The following TFB2M variants were observed in gnomAD, a reference collection of about 807,000 sequenced individuals.
TFB2M encodes the protein transcription factor B2, mitochondrial.
TFB2M carries 44 observed loss-of-function variants against 41.3 expected under a neutral mutation model. The ratio of observed to expected loss-of-function variants is 1.07; its 90% CI spans 0.84 to 1.37. The LOEUF is 1.37. Ranked by LOEUF, TFB2M falls within the 40% of genes most tolerant of loss-of-function variation. TFB2M has a pLI of 0.00. For missense variants in TFB2M, 496 were observed against 490.2 expected (o/e 1.01, Z -0.11); for synonymous variants, 188 against 176.8 (o/e 1.06, Z -0.50).
intron 7 of TFB2M, among the ~76,000 whole-genome samples, chr1:246,542,883 A>C (rs1410655547): frequency 2.9e-5 from 4 of 135,774 alleles, no homozygotes; most frequent in South Asian, 2.3e-4. Flanking sequence ...ATTGCCTTTT[A>C]CTAGTCTATT....
intron 6 of TFB2M, among the ~76,000 whole-genome samples, chr1:246,547,771 TTAG>T (rs1659062940): frequency 1.1e-5 from 1 of 90,206 alleles, no homozygotes; most frequent in African/African-American, 3.7e-5. Flanking sequence ...AGCTACTTTA[TTAG>T]AATTTCACAA....
chr1:246,560,518 T>C (rs1659430837), intron 2 of TFB2M, among the ~76,000 whole-genome samples: 1 of 152,160 alleles, frequency 6.6e-6, no homozygotes. Context: ...AGTGAGACCC[T>C]GTCTCAAAAA....
In TFB2M at chr1:246,541,199, T is replaced by C. The variant is rs1658845458; in HGVS notation, c.1023A>G (p.Ser341=). Residue 341 remains serine, a synonymous_variant, in exon 8 of 8, where the codon TCA becomes TCG. Transcript: ENST00000366514. ...TATCTCTCGCATCAAGTGGAGTCAA[T>C]GAACTGCAAAAGAAATACAAAGTAA... ...RSATVIDHLR[S]LTPLDARDIL... 1 of 1,613,138 alleles carries C rather than the reference T, an allele frequency of 6.2e-7. No individual in the cohort carries two copies.
chr1:246,560,144 T>C (rs1050470568), intron 2 of TFB2M, among the ~76,000 whole-genome samples: 3 of 152,168 alleles, frequency 2.0e-5, no homozygotes, highest in Admixed American at 6.5e-5. Context: ...CTGTATTTTA[T>C]GTATGGCCCA....
intron 2 of TFB2M, 98 bp downstream of exon 2, chr1:246,564,248 T>G: frequency 1.0e-6 from 1 of 993,050 alleles, no homozygotes; most frequent in Non-Finnish European, 1.5e-6. Context: ...CCCTAAAAGA[T>G]ATTCTATGTA....
At chr1:246,551,681 C>T (rs1659188615) in intron 4 of TFB2M, among the ~76,000 whole-genome samples, 1 of 146,958 alleles carries the variant, frequency 6.8e-6, no homozygotes, top group Non-Finnish European at 1.5e-5. Context: ...CATAGTGAGA[C>T]CGCATCTCTT....
Position 246,566,056 on chromosome 1 carries a change from G to C in TFB2M, c.83C>G (p.Ser28Cys), listed in dbSNP as rs200683042. The C allele has an allele frequency of 3.1e-6, 5 of 1,613,242 alleles. No homozygotes were observed. In the East Asian group the frequency reaches 8.9e-5, roughly 29 times the overall value. Residue 28 changes from serine to cysteine, a missense_variant, in exon 1 of 8, where the codon TCT becomes TGT. Coordinates refer to ENST00000366514, the MANE Select transcript of TFB2M (RefSeq NM_022366.3). ...CAAATGCTTTCGCGTCGCCGCTTCA[G>C]ACCCTAAAATGCAAAAGCGACCAGC... ...AGAGRFCILGSEAATRKHLPA... is the reference protein window; with the variant it reads ...AGAGRFCILGCEAATRKHLPA...
intron 7 of TFB2M, among the ~76,000 whole-genome samples, chr1:246,543,165 T>C (rs78692933): frequency 6.6e-6 from 1 of 152,190 alleles, no homozygotes; most frequent in African/African-American, 2.4e-5. Context: ...ACCCAGGCTA[T>C]TGCCACTTTT....
intron 2 of TFB2M, among the ~76,000 whole-genome samples, chr1:246,562,925 T>C (rs530631159): frequency 2.0e-5 from 3 of 152,252 alleles, no homozygotes; most frequent in African/African-American, 7.2e-5. Context: ...CCCGAAGTGC[T>C]GGGATGACAG....
Position 246,544,655 on chromosome 1 carries a change from C to G in TFB2M, c.885G>C (p.Lys295Asn). Residue 295 changes from lysine to asparagine, a missense_variant, in exon 7 of 8, where the codon AAG becomes AAC. By Grantham distance (94) the Lys-to-Asn change is moderately conservative. Transcript: ENST00000366514. ...RRELLDQLQQ[K>N]LYLIQMIPRQ... ...GAGGAATCATTTGAATAAGATACAG[C>G]TTTTGTTGTAATTGGTCTAATAATT... 1 of 1,599,788 alleles carries G rather than the reference C, an allele frequency of 6.3e-7. No homozygotes were observed. The highest frequency in any genetic ancestry group is 1.1e-5 in the South Asian group (1 of 87,508).
Position 246,551,599 on chromosome 1 carries a change from G to C in TFB2M, c.706-297C>G, listed in dbSNP as rs561991574. 2.6e-3 allele frequency among the ~76,000 whole-genome samples: 379 copies of C among 145,876 alleles called. 1 individual carries two copies. Among genetic ancestry groups the C allele is most frequent in the Non-Finnish European group, 4.3e-3 (289 of 66,826 alleles). ...CGGCAGGGCACGCGGGGTCACGCTTGTAATTCCAGCACTTTGGGAGGCCAA... is the reference window on the plus strand; with the variant it reads ...CGGCAGGGCACGCGGGGTCACGCTTCTAATTCCAGCACTTTGGGAGGCCAA... On this transcript the variant is annotated intron_variant, in intron 4 of 7. Transcript: ENST00000366514.
intron 7 of TFB2M, among the ~76,000 whole-genome samples, chr1:246,542,947 G>C (rs141108322): frequency 2.9e-5 from 4 of 138,842 alleles, no homozygotes; most frequent in African/African-American, 1.1e-4. Context: ...TGTCACCCAG[G>C]CTCATCTCAA....
chr1:246,564,463 T>C (rs749698336), intron 1 of TFB2M, 29 bp from the exon 2 acceptor site: 1 of 1,593,542 alleles, frequency 6.3e-7, no homozygotes, highest in East Asian at 2.2e-5. Flanking sequence ...GAAAAGTTTA[T>C]TTGTACAAGA....
chr1:246,540,943 G>T lies in TFB2M; in HGVS notation c.*88C>A. ...TGCAAGACAAGAACAGTTACCTTCT[G>T]CTGAAAGGATGTGAGTTTTCAAATT... is the stretch of plus-strand genomic sequence containing the variant. On this transcript the variant is annotated 3_prime_UTR_variant, in exon 8 of 8. Transcript: ENST00000366514. 1.5e-6 allele frequency: 2 copies of T among 1,319,442 alleles called. No individual in the cohort carries two copies. 81.7% of individuals were successfully genotyped at this position (1,319,442 alleles called of 1,614,324 possible).
chr1:246,561,622 C>T (rs1659457246), intron 2 of TFB2M, among the ~76,000 whole-genome samples: 2 of 152,140 alleles, frequency 1.3e-5, no homozygotes, highest in Admixed American at 6.6e-5. Context: ...CATGAACCAC[C>T]ATGCCCAGCT....
At chr1:246,564,080 C>T (rs1341678967) in intron 2 of TFB2M, among the ~76,000 whole-genome samples, 2 of 152,194 alleles carry the variant, frequency 1.3e-5, no homozygotes, top group African/African-American at 4.8e-5. Flanking sequence ...CCTAGGGATG[C>T]CAGTTATACG....
At position 246,556,613 on chromosome 1, in the gene TFB2M, C is replaced by A; in HGVS notation, c.665G>T (p.Arg222Leu). The A allele has an allele frequency of 1.3e-6, 2 of 1,537,868 alleles. No individual in the cohort carries two copies. Among genetic ancestry groups the A allele is most frequent in the Admixed American group, 2.3e-5 (1 of 44,194 alleles). Residue 222 changes from arginine (R) to leucine (L), a missense_variant, in exon 4 of 8, where the codon CGA becomes CTA. By Grantham distance (102) the Arg-to-Leu change is moderately radical (BLOSUM62 -2). Transcript: ENST00000366514. ...ACCAATAAACATATTTACTTCTATT[C>A]GTCCAAATTTATATATAGAAGTACA... ...YSCTSIYKFGRIEVNMFIGEK... is the reference protein window; with the variant it reads ...YSCTSIYKFGLIEVNMFIGEK...
chr1:246,556,817 T>A, intron 3 of TFB2M, 96 bp from the exon 4 acceptor site: 1 of 1,025,338 alleles, frequency 9.8e-7, no homozygotes, highest in Non-Finnish European at 1.4e-6. Flanking sequence ...ACAAACTATA[T>A]TAATTTCAAG....
At chr1:246,565,027 A>G (rs1450564909) in intron 1 of TFB2M, among the ~76,000 whole-genome samples, 1 of 152,116 alleles carries the variant, frequency 6.6e-6, no homozygotes, top group Non-Finnish European at 1.5e-5. Context: ...TAGAAGAAAA[A>G]AGTCACAGCA....
Sources: gnomAD v4.1 joint callset for allele counts (sites outside exome capture counted in the v4.1 genomes callset) on GRCh38, gnomAD v4.1.1 for gene constraint, MANE v1.5 for transcripts, NCBI Gene and HGNC (gene_info 2026-07-23, HGNC 2026-07-21) for gene names.